The following ITGAL variants were observed in gnomAD, a reference collection of about 807,000 sequenced individuals.
ITGAL encodes integrin alpha-L.
ITGAL carries 68 observed loss-of-function variants against 138.4 expected under a neutral mutation model. The ratio of observed to expected loss-of-function variants is 0.49; its 90% CI spans 0.40 to 0.60. The LOEUF (loss-of-function observed/expected upper bound fraction) is 0.60. Among genes scored for constraint, ITGAL ranks in the 20% least tolerant of loss-of-function variants. ITGAL has a pLI of 0.00. For missense variants in ITGAL, 1,256 were observed against 1,478.6 expected (o/e 0.85, Z 2.47); for synonymous variants, 561 against 584.3 (o/e 0.96, Z 0.57).
intron 11 of ITGAL, among the ~76,000 whole-genome samples, chr16:30,492,660 C>T (rs1409788935): frequency 2.8e-5 from 4 of 143,068 alleles, no homozygotes; most frequent in African/African-American, 7.9e-5. Flanking sequence ...GGGTTCACGC[C>T]ATTCTCCTGC....
intron 9 of ITGAL, among the ~76,000 whole-genome samples, chr16:30,485,015 C>G (rs1330111444): frequency 6.6e-6 from 1 of 152,170 alleles, no homozygotes; most frequent in African/African-American, 2.4e-5. Context: ...AATATCTGAT[C>G]TTGTGCCAAG....
At position 30,491,293 on chromosome 16, in the gene ITGAL, C is replaced by T. The variant is rs897298062; in HGVS notation, c.1213+1907C>T. Among the ~76,000 whole-genome samples the T allele has an allele frequency of 4.7e-5, 7 of 149,530 alleles. No homozygotes were observed. In the East Asian group the frequency reaches 1.0e-3, roughly 22 times the overall value. Reference sequence around the variant, plus strand: ...GCATGCACCTGTAATCCCAGCTACTCGGGAGGCTGAGGTAGGAGAATCTCT... The same window carrying T: ...GCATGCACCTGTAATCCCAGCTACTTGGGAGGCTGAGGTAGGAGAATCTCT... On this transcript the variant is annotated intron_variant, in intron 11 of 30. Coordinates refer to ENST00000356798, the MANE Select transcript of ITGAL (RefSeq NM_002209.3).
At position 30,513,868 on chromosome 16, in the gene ITGAL, GTCCT is replaced by G. The variant is rs1416821585; in HGVS notation, c.2862+24_2862+27del. On this transcript the variant is annotated intron_variant, in intron 25 of 30. Coordinates refer to ENST00000356798, the MANE Select transcript of ITGAL (RefSeq NM_002209.3). ...CCAGGTATGAATCCCAATGTGGAAG[GTCCT>G]TATAGGTCACACATTCATTCTTTAT... is the stretch of plus-strand genomic sequence containing the variant. 3.3e-6 allele frequency: 5 copies of G among 1,530,090 alleles called. No individual in the cohort carries two copies. In the Admixed American group the frequency reaches 8.4e-5, roughly 26 times the overall value. 94.8% of individuals were successfully genotyped at this position (1,530,090 alleles called of 1,614,324 possible).
chr16:30,488,043 A>G lies in ITGAL; in HGVS notation c.1007-1039A>G, dbSNP rs557329360. On this transcript the variant is annotated intron_variant, in intron 9 of 30. Transcript: ENST00000356798. ...AGTGAAGAGTTCTTAAGGAGAAGCT[A>G]TATAAGCCAGGCACGGTGGTGCATA... Among the ~76,000 whole-genome samples the G allele has an allele frequency of 4.6e-5, 7 of 152,200 alleles. No individual in the cohort carries two copies. In the East Asian group the frequency reaches 1.4e-3, roughly 29 times the overall value.
chr16:30,505,247 G>T lies in ITGAL; in HGVS notation c.2239G>T (p.Gly747Cys), dbSNP rs754731695. 6.2e-7 allele frequency: 1 copy of T among 1,606,726 alleles called. No individual in the cohort carries two copies. The highest frequency in any genetic ancestry group is 2.2e-5 in the East Asian group (1 of 44,740). Residue 747 changes from glycine (G) to cysteine (C), a missense_variant, in exon 19 of 31, where the codon GGC becomes TGC. Coordinates refer to ENST00000356798, the MANE Select transcript of ITGAL (RefSeq NM_002209.3). Reference sequence around the variant, plus strand: ...CTGCCCACTACCCCTCGCTCAGCAGGGCAAGGACATACCGCCCATCCTGAG... The same window carrying T: ...CTGCCCACTACCCCTCGCTCAGCAGTGCAAGGACATACCGCCCATCCTGAG... Reference protein sequence around the residue: ...EGTPRDQRAQGKDIPPILRPS... With the variant: ...EGTPRDQRAQCKDIPPILRPS...
At chr16:30,517,975 A>G in intron 28 of ITGAL, 80 bp downstream of exon 28, 1 of 1,066,574 alleles carries the variant, frequency 9.4e-7, no homozygotes, top group Non-Finnish European at 1.5e-6. Context: ...CTCCCACCAG[A>G]TAGTCTGCCT....
intron 1 of ITGAL, among the ~76,000 whole-genome samples, chr16:30,473,678 G>C (rs940965405): frequency 1.3e-5 from 2 of 152,148 alleles, no homozygotes; most frequent in Non-Finnish European, 2.9e-5. Flanking sequence ...CGCCTGGGCA[G>C]GCTGACTGAG....
In ITGAL at chr16:30,513,806, C is replaced by A; in HGVS notation, c.2822C>A (p.Pro941His). 6.2e-7 allele frequency: 1 copy of A among 1,613,844 alleles called. No homozygotes were observed. The highest frequency in any genetic ancestry group is 8.5e-7 in the Non-Finnish European group (1 of 1,179,760). ...TCCACACTCTATGTCAGTTTCACCC[C>A]CAAAGGCCCCAAGATCCACCAAGTC... ...EDSTLYVSFTPKGPKIHQVKH... is the reference protein window; with the variant it reads ...EDSTLYVSFTHKGPKIHQVKH... Residue 941 changes from proline to histidine, a missense_variant, in exon 25 of 31, where the codon CCC becomes CAC. Around this residue, in one of 3 missense-constraint regions of ITGAL, gnomAD observed 867 missense variants for 972.5 expected, o/e 0.89. Coordinates refer to ENST00000356798, the MANE Select transcript of ITGAL (RefSeq NM_002209.3).
intron 4 of ITGAL, among the ~76,000 whole-genome samples, chr16:30,476,633 CTTTT>C (rs36005241): frequency 7.3e-6 from 1 of 137,438 alleles, no homozygotes. Flanking sequence ...GGAAACACTG[CTTTT>C]TTTTTTTTTT....
At chr16:30,500,143 T>C (rs1462900817) in intron 17 of ITGAL, among the ~76,000 whole-genome samples, 1 of 150,462 alleles carries the variant, frequency 6.6e-6, no homozygotes, top group Non-Finnish European at 1.5e-5. Context: ...TGGAGTGCAG[T>C]GGCATGATCT....
At chr16:30,481,146 AC>A in intron 6 of ITGAL, 4 of 32,448 alleles carry the variant, frequency 1.2e-4, no homozygotes, top group Non-Finnish European at 4.0e-4. Flanking sequence ...TACTAAAAAC[AC>A]ACACACACAC....
Position 30,521,849 on chromosome 16 carries a change from C to A in ITGAL, c.*184C>A. The A allele has an allele frequency of 1.6e-6, 1 of 609,766 alleles. No individual in the cohort carries two copies. Among genetic ancestry groups the A allele is most frequent in the Non-Finnish European group, 2.8e-6 (1 of 356,286 alleles). The allele number at this position is 609,766 out of a possible 1,614,324, so 37.8% of individuals were successfully genotyped here. On this transcript the variant is annotated 3_prime_UTR_variant, in exon 31 of 31. Coordinates refer to ENST00000356798, the MANE Select transcript of ITGAL (RefSeq NM_002209.3). ...CTCCTTTGCAGGCTCATAGGGAAGA[C>A]CTGCTGAGGGACCAGCCAAGAGGGC...
intron 9 of ITGAL, among the ~76,000 whole-genome samples, chr16:30,487,502 T>C (rs1343117729): frequency 6.6e-6 from 1 of 152,058 alleles, no homozygotes; most frequent in East Asian, 1.9e-4. Context: ...CTCAGCCTCC[T>C]CGGTTCAAGC....
Position 30,472,777 on chromosome 16 carries a change from C to A in ITGAL, c.-61C>A. 1 of 1,523,420 alleles carries A rather than the reference C, an allele frequency of 6.6e-7. No homozygotes were observed. The highest frequency in any genetic ancestry group is 9.0e-7 in the Non-Finnish European group (1 of 1,105,102). The allele number at this position is 1,523,420 out of a possible 1,614,324, so 94.4% of individuals were successfully genotyped here. On this transcript the variant is annotated 5_prime_UTR_variant, in exon 1 of 31. Transcript: ENST00000356798. ...TCTTTCACCCTGTCTAGGTTGCCAGCAAATCCCACGGGCCTCCTGACGCTG... is the reference window on the plus strand; with the variant it reads ...TCTTTCACCCTGTCTAGGTTGCCAGAAAATCCCACGGGCCTCCTGACGCTG...
intron 6 of ITGAL, 30 bp from the exon 7 acceptor site, chr16:30,481,409 C>T: frequency 4.7e-6 from 6 of 1,279,770 alleles, no homozygotes; most frequent in Non-Finnish European, 6.6e-6. Flanking sequence ...GGATATATAA[C>T]TGAATGTCAT....
At chr16:30,505,488 C>T (rs1346987355) in intron 20 of ITGAL, 26 bp downstream of exon 20, 1 of 1,574,672 alleles carries the variant, frequency 6.4e-7, no homozygotes, top group African/African-American at 1.4e-5. Context: ...CACCCTCCAG[C>T]CTCCCATCCA....
chr16:30,482,732 A>G (rs529888325), intron 7 of ITGAL, among the ~76,000 whole-genome samples: 2 of 152,250 alleles, frequency 1.3e-5, no homozygotes, highest in African/African-American at 4.8e-5. Context: ...GCAGGTGTTC[A>G]TGGGTAAGAC....
At chr16:30,474,488 G>T (rs921093858) in intron 2 of ITGAL, 190 bp downstream of exon 2, 4 of 585,030 alleles carry the variant, frequency 6.8e-6, no homozygotes, top group African/African-American at 3.8e-5. Context: ...CGGGATACAC[G>T]CGATCAGGGA....
intron 6 of ITGAL, chr16:30,480,502 C>T (rs1363462970): frequency 1.3e-5 from 2 of 152,112 alleles, no homozygotes; most frequent in Admixed American, 6.6e-5. Context: ...AGTTAAGCAG[C>T]GTCACTCAGC....
Sources: allele counts gnomAD v4.1 joint callset (sites outside exome capture counted in the v4.1 genomes callset), GRCh38; gene constraint gnomAD v4.1.1; regional missense constraint gnomAD v4.1.1; transcripts MANE v1.5; gene names NCBI Gene and HGNC (gene_info 2026-07-23, HGNC 2026-07-21).